The following ROBO2 variants were observed in gnomAD, a reference collection of about 807,000 sequenced individuals.
ROBO2 encodes roundabout homolog 2.
Under a neutral mutation model 160.8 loss-of-function variants are expected in ROBO2, and 53 were observed. The ratio of observed to expected loss-of-function variants is 0.33; its 90% CI spans 0.26 to 0.41. The LOEUF (loss-of-function observed/expected upper bound fraction) is 0.41, where lower values mean the gene tolerates loss of function less well. ROBO2 is among the 10% of genes least tolerant of loss of function. The pLI, the probability that ROBO2 is intolerant of heterozygous loss-of-function variation, is 1.00. For missense variants in ROBO2, 1,577 were observed against 1,722.4 expected (o/e 0.92, Z 1.49); for synonymous variants, 664 against 611.7 (o/e 1.09, Z -1.26).
At chr3:76,988,226 A>G (rs2060488962) in intron 2 of ROBO2, among the ~76,000 whole-genome samples, 1 of 152,188 alleles carries the variant, frequency 6.6e-6, no homozygotes, top group African/African-American at 2.4e-5. Context: ...CCAAGGGCCA[A>G]ATAAAAATAT....
chr3:76,261,283 T>C (rs1706744768), intron 2 of ROBO2, among the ~76,000 whole-genome samples: 1 of 151,474 alleles, frequency 6.6e-6, no homozygotes, highest in Admixed American at 6.6e-5. Flanking sequence ...GAAGAGAACC[T>C]AGGGTACCCT....
intron 2 of ROBO2, among the ~76,000 whole-genome samples, chr3:77,395,573 A>C (rs1307015476): frequency 6.6e-6 from 1 of 152,154 alleles, no homozygotes; most frequent in Non-Finnish European, 1.5e-5. Context: ...GTCCAGCCTG[A>C]TATTAAGTAA....
chr3:75,927,974 CTCTTTT>C, intron 1 of ROBO2, among the ~76,000 whole-genome samples: 1 of 68,390 alleles, frequency 1.5e-5, no homozygotes. Flanking sequence ...ATGATTTTCT[CTCTTTT>C]TTTTTTTTTT....
At chr3:77,084,837 T>G (rs921618908) in intron 1 of ROBO2, among the ~76,000 whole-genome samples, 1 of 152,152 alleles carries the variant, frequency 6.6e-6, no homozygotes, top group African/African-American at 2.4e-5. Context: ...TTTATTGCAC[T>G]CACATTTGCT....
intron 2 of ROBO2, among the ~76,000 whole-genome samples, chr3:77,437,326 G>A (rs2079397877): frequency 6.6e-6 from 1 of 151,910 alleles, no homozygotes; most frequent in Non-Finnish European, 1.5e-5. Context: ...AGCTCAAAAT[G>A]TTACTGTATT....
intron 2 of ROBO2, among the ~76,000 whole-genome samples, chr3:77,227,351 C>A (rs1297495422): frequency 6.6e-6 from 1 of 152,150 alleles, no homozygotes; most frequent in African/African-American, 2.4e-5. Context: ...ACCTCCAATT[C>A]CATTTAGAAC....
At chr3:76,000,906 G>A (rs2107562061) in intron 2 of ROBO2, among the ~76,000 whole-genome samples, 1 of 151,846 alleles carries the variant, frequency 6.6e-6, no homozygotes, top group Non-Finnish European at 1.5e-5. Flanking sequence ...CTATCTTTTA[G>A]TAGCGAACTT....
intron 20 of ROBO2, among the ~76,000 whole-genome samples, chr3:77,606,706 A>G (rs1041424616): frequency 2.0e-5 from 3 of 152,228 alleles, no homozygotes; most frequent in African/African-American, 7.2e-5. Flanking sequence ...AATTGGTAGA[A>G]GTAAGGGGAA....
intron 2 of ROBO2, among the ~76,000 whole-genome samples, chr3:76,295,944 CAT>C (rs1709050197): frequency 6.6e-6 from 1 of 152,156 alleles, no homozygotes; most frequent in Non-Finnish European, 1.5e-5. Flanking sequence ...CCCACGTACA[CAT>C]AGTCAATAAG....
At chr3:77,214,324 C>T (rs2084620356) in intron 2 of ROBO2, among the ~76,000 whole-genome samples, 1 of 152,120 alleles carries the variant, frequency 6.6e-6, no homozygotes, top group Non-Finnish European at 1.5e-5. Context: ...ATCCCTTTCC[C>T]ATTATGTAAT....
At chr3:77,339,027 CAG>C (rs1340585898) in intron 2 of ROBO2, among the ~76,000 whole-genome samples, 4 of 152,032 alleles carry the variant, frequency 2.6e-5, no homozygotes, top group African/African-American at 9.7e-5. Context: ...GAACAACAAA[CAG>C]AGCTGCTTTC....
At chr3:76,310,648 CT>C (rs1184320920) in intron 2 of ROBO2, among the ~76,000 whole-genome samples, 1 of 152,208 alleles carries the variant, frequency 6.6e-6, no homozygotes, top group Non-Finnish European at 1.5e-5. Flanking sequence ...CTGAGTCTTC[CT>C]CTGCTACATT....
intron 2 of ROBO2, among the ~76,000 whole-genome samples, chr3:76,510,655 C>T (rs539541026): frequency 1.1e-3 from 172 of 151,950 alleles, no homozygotes; most frequent in African/African-American, 3.7e-3. Flanking sequence ...ACCTGGGAGG[C>T]GGAGATTGCA....
chr3:76,443,478 T>C (rs951220355), intron 2 of ROBO2, among the ~76,000 whole-genome samples: 1 of 152,128 alleles, frequency 6.6e-6, no homozygotes, highest in Non-Finnish European at 1.5e-5. Context: ...AATACTACCA[T>C]GATGGCTACT....
chr3:76,177,016 CCA>C (rs2073255779), intron 2 of ROBO2, among the ~76,000 whole-genome samples: 1 of 152,006 alleles, frequency 6.6e-6, no homozygotes, highest in African/African-American at 2.4e-5. Context: ...TTAGTTTTTG[CCA>C]CAGTCTCCAA....
intron 2 of ROBO2, among the ~76,000 whole-genome samples, chr3:76,057,359 T>G (rs2067884175): frequency 6.6e-6 from 1 of 152,188 alleles, no homozygotes; most frequent in Admixed American, 6.5e-5. Flanking sequence ...GAACAAAGCT[T>G]CTTATGCTTA....
chr3:76,633,998 A>G (rs1453590225), intron 2 of ROBO2, among the ~76,000 whole-genome samples: 3 of 152,212 alleles, frequency 2.0e-5, no homozygotes, highest in African/African-American at 7.2e-5. Context: ...ATGAGTCATT[A>G]ATTTAAAAGA....
At chr3:75,991,037 C>T (rs531596813) in intron 2 of ROBO2, among the ~76,000 whole-genome samples, 1 of 152,188 alleles carries the variant, frequency 6.6e-6, no homozygotes, top group African/African-American at 2.4e-5. Flanking sequence ...GGTTCTTTGA[C>T]CTTCAAACTG....
At chr3:76,359,550 T>A (rs1003356440) in intron 2 of ROBO2, among the ~76,000 whole-genome samples, 2 of 152,050 alleles carry the variant, frequency 1.3e-5, no homozygotes, top group Non-Finnish European at 1.5e-5. Context: ...CTTTACCTCC[T>A]GTTACGCACA....
Sources: gnomAD v4.1 joint callset for allele counts (sites outside exome capture counted in the v4.1 genomes callset) on GRCh38, gnomAD v4.1.1 for gene constraint, MANE v1.5 for transcripts, NCBI Gene and HGNC (gene_info 2026-07-23, HGNC 2026-07-21) for gene names.